CSGALNACT1: variants seen among roughly 807,000 people sequenced by gnomAD.
CSGALNACT1 encodes the protein beta4GalNAcT-1.
In CSGALNACT1, 52 loss-of-function variants were observed where a neutral mutation model predicts 51.0. The ratio of observed to expected loss-of-function variants is 1.02; its 90% CI spans 0.82 to 1.29. CSGALNACT1 has a LOEUF of 1.29. Ranked by LOEUF, CSGALNACT1 falls within the 50% of genes most tolerant of loss-of-function variation. The pLI, the probability that CSGALNACT1 is intolerant of heterozygous loss-of-function variation, is 0.00. For synonymous variants in CSGALNACT1, 341 were observed against 254.4 expected, an observed-to-expected ratio of 1.34 and a Z score of -3.24; for missense variants, 935 against 679.2, an observed-to-expected ratio of 1.38 and a Z score of -4.19.
rs185049810 is a variant in CSGALNACT1 at position 19,552,554 on chromosome 8, T to C, written c.-297+38606A>G. ...AAGAAAGATGACTTTTAAAGCAAGCTCAGCTCAGTTTCAAGATACATACTT... is the reference window on the plus strand; with the variant it reads ...AAGAAAGATGACTTTTAAAGCAAGCCCAGCTCAGTTTCAAGATACATACTT... On this transcript the variant is annotated intron_variant, in intron 3 of 9. Coordinates refer to ENST00000454498, the Ensembl canonical transcript of CSGALNACT1. Among the ~76,000 whole-genome samples, 25 of 152,254 alleles carry C rather than the reference T, an allele frequency of 1.6e-4. No homozygotes were observed. The East Asian group carries it at 4.8e-3, about 29-fold the overall frequency.
At chr8:19,572,838 C>T (rs1198645218) in intron 3 of CSGALNACT1, among the ~76,000 whole-genome samples, 2 of 152,170 alleles carry the variant, frequency 1.3e-5, no homozygotes, top group Non-Finnish European at 2.9e-5. Flanking sequence ...ACAAAAGAGA[C>T]TATTTTTCAC....
intron 1 of CSGALNACT1, among the ~76,000 whole-genome samples, chr8:19,630,395 T>C (rs2055083008): frequency 6.6e-6 from 1 of 152,118 alleles, no homozygotes; most frequent in Admixed American, 6.6e-5. Flanking sequence ...AGAGTTCCCA[T>C]ATATTCCCAA....
At chr8:19,686,225 T>C (rs2060968867), upstream of CSGALNACT1, among the ~76,000 whole-genome samples, 1 of 152,018 alleles carries the variant, frequency 6.6e-6, no homozygotes, top group Non-Finnish European at 1.5e-5. Flanking sequence ...CAAATGGCCA[T>C]GCAGGGGACA....
At chr8:19,543,718 A>G (rs1041207373) in intron 3 of CSGALNACT1, among the ~76,000 whole-genome samples, 3 of 152,202 alleles carry the variant, frequency 2.0e-5, no homozygotes, top group African/African-American at 7.2e-5. Flanking sequence ...ATTCCTCCAG[A>G]CTACACTCAT....
intron 5 of CSGALNACT1, among the ~76,000 whole-genome samples, chr8:19,454,212 C>T (rs1168711064): frequency 6.6e-6 from 1 of 152,198 alleles, no homozygotes; most frequent in Non-Finnish European, 1.5e-5. Flanking sequence ...TGCGACGTTT[C>T]TTGAAAAAAT....
At chr8:19,482,449 C>G (rs1474458114) in intron 4 of CSGALNACT1, among the ~76,000 whole-genome samples, 1 of 152,094 alleles carries the variant, frequency 6.6e-6, no homozygotes, top group Non-Finnish European at 1.5e-5. Flanking sequence ...GTTCTCTCCC[C>G]AATCCAGGCC....
intron 1 of CSGALNACT1, among the ~76,000 whole-genome samples, chr8:19,730,607 T>C (rs2154245174): frequency 6.6e-6 from 1 of 152,334 alleles, no homozygotes; most frequent in African/African-American, 2.4e-5. Context: ...AGCTGCCTGC[T>C]GTCTGTCGTT....
At chr8:19,669,376 A>C (rs573109428) in intron 1 of CSGALNACT1, among the ~76,000 whole-genome samples, 2 of 152,250 alleles carry the variant, frequency 1.3e-5, no homozygotes, top group Non-Finnish European at 2.9e-5. Context: ...TAAAAACTAC[A>C]AACATTCAAA....
At chr8:19,536,095 G>C (rs549727722) in intron 3 of CSGALNACT1, among the ~76,000 whole-genome samples, 2 of 152,258 alleles carry the variant, frequency 1.3e-5, no homozygotes, top group East Asian at 3.9e-4. Flanking sequence ...AAAACTCCTT[G>C]AGTAAGTGAG....
chr8:19,576,759 A>T (rs1307595116), intron 3 of CSGALNACT1, among the ~76,000 whole-genome samples: 1 of 152,014 alleles, frequency 6.6e-6, no homozygotes, highest in Non-Finnish European at 1.5e-5. Flanking sequence ...TTACCTCTGC[A>T]GGCCAGAGCC....
At chr8:19,734,036 C>T (rs1050026946) in intron 1 of CSGALNACT1, among the ~76,000 whole-genome samples, 1 of 152,190 alleles carries the variant, frequency 6.6e-6, no homozygotes, top group African/African-American at 2.4e-5. Context: ...ACAATGAACG[C>T]TGAGGCTCCT....
At chr8:19,519,623 C>T (rs1005197271) in intron 3 of CSGALNACT1, among the ~76,000 whole-genome samples, 5 of 152,256 alleles carry the variant, frequency 3.3e-5, no homozygotes, top group African/African-American at 4.8e-5. Context: ...TGCTTTGATC[C>T]GAAGGCGAGA....
intron 1 of CSGALNACT1, among the ~76,000 whole-genome samples, chr8:19,677,415 G>A (rs1221249082): frequency 6.6e-6 from 1 of 152,144 alleles, no homozygotes; most frequent in African/African-American, 2.4e-5. Flanking sequence ...CCAGCCGCGA[G>A]TACATTTTGT....
rs900786590 is a variant in CSGALNACT1, at chr8:19,667,061, A to G, written c.-544+15412T>C. On this transcript the variant is annotated intron_variant, in intron 1 of 9. Transcript: ENST00000332246. Reference sequence around the variant, plus strand: ...GAAGGAAGAAAGAAAGAAAGAAAGAAAGAAAGAAAGAAAGAAAGAAAGAAA... The same window carrying G: ...GAAGGAAGAAAGAAAGAAAGAAAGAGAGAAAGAAAGAAAGAAAGAAAGAAA... Among the ~76,000 whole-genome samples, 146 of 124,374 alleles carry G rather than the reference A, an allele frequency of 1.2e-3. 26 individuals are homozygous for G. The highest frequency in any genetic ancestry group is 4.0e-3 in the African/African-American group (137 of 34,504). The allele number at this position is 124,374 out of a possible 152,430, so 81.6% of individuals were successfully genotyped here.
intron 5 of CSGALNACT1, among the ~76,000 whole-genome samples, chr8:19,440,880 T>G (rs373052496): frequency 6.6e-6 from 1 of 152,076 alleles, no homozygotes; most frequent in South Asian, 2.1e-4. Context: ...TCTCAGGATA[T>G]AAAATCAATG....
At chr8:19,600,142 G>T (rs2154143247) in intron 2 of CSGALNACT1, among the ~76,000 whole-genome samples, 1 of 152,190 alleles carries the variant, frequency 6.6e-6, no homozygotes, top group East Asian at 1.9e-4. Context: ...GAGTGCAATG[G>T]CGTCATCTTG....
chr8:19,670,776 T>C (rs190712488), intron 1 of CSGALNACT1, among the ~76,000 whole-genome samples: 122 of 152,230 alleles, frequency 8.0e-4, no homozygotes, highest in Middle Eastern at 6.8e-3. Flanking sequence ...TTTCTATGGT[T>C]TCTGTCCTAA....
chr8:19,448,431 T>C (rs1466060343), intron 5 of CSGALNACT1, among the ~76,000 whole-genome samples: 1 of 152,122 alleles, frequency 6.6e-6, no homozygotes, highest in Non-Finnish European at 1.5e-5. Context: ...AATTTCTCAG[T>C]CCCAAGCAAA....
intron 1 of CSGALNACT1, among the ~76,000 whole-genome samples, chr8:19,680,293 T>C (rs890887844): frequency 2.6e-5 from 4 of 152,160 alleles, no homozygotes; most frequent in Non-Finnish European, 5.9e-5. Flanking sequence ...TGGTGGCTCA[T>C]GTCTGTAATC....
Sources: allele counts gnomAD v4.1 joint callset (sites outside exome capture counted in the v4.1 genomes callset), GRCh38; gene constraint gnomAD v4.1.1; transcripts MANE v1.5; gene names NCBI Gene and HGNC (gene_info 2026-07-23, HGNC 2026-07-21).